Variants in SP140 observed in about 807,000 individuals in gnomAD.
SP140 encodes nuclear body protein SP140.
Under a neutral mutation model 125.0 loss-of-function variants are expected in SP140, and 81 were observed. That is an observed-to-expected ratio of 0.65 (90% CI 0.54 to 0.78). The LOEUF is 0.78. Ranked by LOEUF, SP140 falls within the 30% of genes least tolerant of loss-of-function variation. The pLI, the probability that SP140 is intolerant of heterozygous loss-of-function variation, is 0.00. For missense variants in SP140, 858 were observed against 1,037.0 expected, an observed-to-expected ratio of 0.83 and a Z score of 2.37; for synonymous variants, 312 against 354.0, an observed-to-expected ratio of 0.88 and a Z score of 1.33.
chr2:230,243,224 A>G (rs2048957443), intron 4 of SP140, among the ~76,000 whole-genome samples: 1 of 152,194 alleles, frequency 6.6e-6, no homozygotes, highest in Admixed American at 6.5e-5. Context: ...CTGTCCCACT[A>G]TCCTCCATTT....
chr2:230,278,804 C>T (rs1358340403), intron 15 of SP140, among the ~76,000 whole-genome samples: 1 of 151,910 alleles, frequency 6.6e-6, no homozygotes, highest in Non-Finnish European at 1.5e-5. Flanking sequence ...ATTAAATGCC[C>T]CTTCTTGACA....
At chr2:230,272,205 GA>G (rs1575138446) in intron 15 of SP140, among the ~76,000 whole-genome samples, 1 of 152,120 alleles carries the variant, frequency 6.6e-6, no homozygotes, top group African/African-American at 2.4e-5. Flanking sequence ...CACATAACTA[GA>G]AAATACGATT....
At chr2:230,223,137 A>T (rs892741268), upstream of SP140, among the ~76,000 whole-genome samples, 1 of 151,744 alleles carries the variant, frequency 6.6e-6, no homozygotes, top group East Asian at 1.9e-4. Context: ...CCCAGGTTCA[A>T]GTGATTCTCT....
In SP140 at chr2:230,292,877, A is replaced by G. The variant is rs546917305; in HGVS notation, c.1968+89A>G. ...TTATTCACCAAATATTTGTTAGGTT[A>G]TAGCTAAAGCCTTGATGCCAGTGGG... On this transcript the variant is annotated intron_variant, in intron 20 of 26. Coordinates refer to ENST00000392045, the MANE Select transcript of SP140 (RefSeq NM_007237.5). 1,182 of 1,574,616 alleles carry G rather than the reference A, an allele frequency of 7.5e-4. 3 individuals are homozygous for G. Among genetic ancestry groups the G allele is most frequent in the Admixed American group, 1.5e-3 (83 of 56,782 alleles).
intron 22 of SP140, among the ~76,000 whole-genome samples, chr2:230,298,251 C>T (rs184103732): frequency 6.6e-6 from 1 of 152,164 alleles, no homozygotes; most frequent in Non-Finnish European, 1.5e-5. Flanking sequence ...TGATTTGATT[C>T]TTTTCATTGC....
intron 15 of SP140, among the ~76,000 whole-genome samples, chr2:230,278,372 G>A (rs1268829641): frequency 6.6e-6 from 1 of 151,920 alleles, no homozygotes; most frequent in Non-Finnish European, 1.5e-5. Flanking sequence ...ATTGAGTTAT[G>A]TGAGTTCCTT....
chr2:230,202,563 C>G (rs1202943206), upstream of SP140: 3 of 1,613,640 alleles, frequency 1.9e-6, no homozygotes, highest in South Asian at 2.2e-5. Flanking sequence ...ATGGCAGATT[C>G]CATCATCAGC....
chr2:230,244,038 A>T lies in SP140; in HGVS notation c.571+227A>T, dbSNP rs148278512. The stretch of plus-strand genomic sequence containing the variant: ...GTCTACTAATAATAAAAACTTGATT[A>T]TACCTACCCACCACTTACTTTCTCT... On this transcript the variant is annotated intron_variant, in intron 5 of 26. Transcript: ENST00000392045. 9.7e-3 allele frequency among the ~76,000 whole-genome samples: 1,471 copies of T among 152,344 alleles called. 19 individuals carry two copies. Among genetic ancestry groups the T allele is most frequent in the African/African-American group, 0.033 (1,381 of 41,590 alleles).
intron 17 of SP140, among the ~76,000 whole-genome samples, chr2:230,286,449 T>C (rs185959150): frequency 3.9e-5 from 6 of 152,178 alleles, no homozygotes; most frequent in Middle Eastern, 3.4e-3. Context: ...CCATCCAGGA[T>C]TGGGGAGGTG....
intron 3 of SP140, 148 bp from the exon 4 acceptor site, chr2:230,241,256 C>T: frequency 3.1e-6 from 2 of 646,182 alleles, no homozygotes; most frequent in Non-Finnish European, 5.5e-6. Flanking sequence ...AGATATGTGC[C>T]TCTCAATGAA....
chr2:230,210,453 T>G (rs1238497696), intron 1 of SP140, among the ~76,000 whole-genome samples: 1 of 152,244 alleles, frequency 6.6e-6, no homozygotes, highest in Non-Finnish European at 1.5e-5. Flanking sequence ...ATGTCTTTGC[T>G]GTATGAAAAA....
chr2:230,285,676 C>T lies in SP140; in HGVS notation c.1565-76C>T, dbSNP rs148429287. 232 of 1,226,794 alleles carry T rather than the reference C, an allele frequency of 1.9e-4. 1 individual carries two copies. The African/African-American group carries it at 3.0e-3, about 16-fold the overall frequency. 76.0% of individuals were successfully genotyped at this position (1,226,794 alleles called of 1,614,324 possible). On this transcript the variant is annotated intron_variant, in intron 16 of 26. Coordinates refer to ENST00000392045, the MANE Select transcript of SP140 (RefSeq NM_007237.5). ...TCCAGAATGAGACCCAGGACTCCCT[C>T]ACTTGCGTTTGTTCCTGCCTGACAG...
At chr2:230,220,378 A>C (rs2045709903) in intron 3 of SP140, among the ~76,000 whole-genome samples, 2 of 152,196 alleles carry the variant, frequency 1.3e-5, no homozygotes, top group Non-Finnish European at 2.9e-5. Context: ...ATTCACTGGA[A>C]TTTATCCAGT....
At chr2:230,294,437 A>G in intron 21 of SP140, 119 bp downstream of exon 21, 1 of 700,776 alleles carries the variant, frequency 1.4e-6, no homozygotes, top group Non-Finnish European at 2.5e-6. Flanking sequence ...CTTCTTCACT[A>G]CTCACCTTAA....
chr2:230,269,770 C>A, intron 13 of SP140, 67 bp from the exon 14 acceptor site: 1 of 1,291,792 alleles, frequency 7.7e-7, no homozygotes, highest in South Asian at 1.2e-5. Context: ...GGGGGAGCAA[C>A]AAGGGTGCAG....
intron 1 of SP140, among the ~76,000 whole-genome samples, chr2:230,229,144 G>A (rs1310526549): frequency 6.6e-6 from 1 of 151,852 alleles, no homozygotes; most frequent in African/African-American, 2.4e-5. Flanking sequence ...CACTTCATGA[G>A]TAGAGAATAC....
intron 12 of SP140, among the ~76,000 whole-genome samples, chr2:230,263,202 G>A (rs193194215): frequency 2.7e-4 from 41 of 152,240 alleles, no homozygotes; most frequent in Middle Eastern, 3.4e-3. Flanking sequence ...GCTTTTTACC[G>A]TTGTATAATG....
chr2:230,218,719 A>G (rs957112098), intron 3 of SP140, among the ~76,000 whole-genome samples: 1 of 152,146 alleles, frequency 6.6e-6, no homozygotes. Context: ...AGCTTGTCTG[A>G]CTCTAAAGCC....
chr2:230,312,780 C>A lies in SP140; in HGVS notation c.*96C>A. 1.2e-6 allele frequency: 1 copy of A among 847,310 alleles called. No homozygotes were observed. Among genetic ancestry groups the A allele is most frequent in the Non-Finnish European group, 2.0e-6 (1 of 509,526 alleles). The allele number at this position is 847,310 out of a possible 1,614,324, so 52.5% of individuals were successfully genotyped here. A position where few individuals can be genotyped will look rare whatever the true frequency, so the allele number is the denominator to read the frequency against. On this transcript the variant is annotated 3_prime_UTR_variant, in exon 27 of 27. Transcript: ENST00000392045. Reference sequence around the variant, plus strand: ...TCAAAATGAGGTCACTTGGGCACAGCACATGCAGGGAGGGGCTTTTCTCTG... The same window carrying A: ...TCAAAATGAGGTCACTTGGGCACAGAACATGCAGGGAGGGGCTTTTCTCTG...
Sources: allele counts gnomAD v4.1 joint callset (sites outside exome capture counted in the v4.1 genomes callset), GRCh38; gene constraint gnomAD v4.1.1; transcripts MANE v1.5; gene names NCBI Gene and HGNC (gene_info 2026-07-23, HGNC 2026-07-21).